EXOC4: variants seen among roughly 807,000 people sequenced by gnomAD.
The protein encoded by EXOC4 is exocyst complex component 4.
In EXOC4, 71 loss-of-function variants were observed where a neutral mutation model predicts 107.2. The observed-to-expected ratio is 0.66, with a 90% CI of 0.55 to 0.81. The LOEUF (loss-of-function observed/expected upper bound fraction) is 0.81, where lower values mean the gene tolerates loss of function less well. Ranked by LOEUF, EXOC4 falls within the 30% of genes least tolerant of loss-of-function variation. The pLI is 0.00. For synonymous variants in EXOC4, 456 were observed against 441.2 expected, an observed-to-expected ratio of 1.03 and a Z score of -0.42; for missense variants, 1,108 against 1,189.6, an observed-to-expected ratio of 0.93 and a Z score of 1.01.
At chr7:133,590,838 A>C (rs2150977673) in intron 9 of EXOC4, among the ~76,000 whole-genome samples, 1 of 152,282 alleles carries the variant, frequency 6.6e-6, no homozygotes, top group South Asian at 2.1e-4. Flanking sequence ...AGACCTTGGG[A>C]TACAGAGGGC....
intron 1 of EXOC4, among the ~76,000 whole-genome samples, chr7:133,269,494 A>G (rs1584764209): frequency 1.3e-5 from 2 of 152,334 alleles, no homozygotes; most frequent in South Asian, 4.1e-4. Context: ...GGTATGCAAA[A>G]TAACCACTGT....
chr7:133,818,346 C>T (rs1320555454), intron 11 of EXOC4, among the ~76,000 whole-genome samples: 1 of 152,130 alleles, frequency 6.6e-6, no homozygotes, highest in African/African-American at 2.4e-5. Context: ...GACTATTCAA[C>T]ATGTGGAAGG....
chr7:133,728,895 A>G (rs1205996685), intron 10 of EXOC4, among the ~76,000 whole-genome samples: 34 of 152,296 alleles, frequency 2.2e-4, no homozygotes, highest in East Asian at 3.9e-4. Context: ...CCATCTCTCA[A>G]TGAAATTAGC....
intron 14 of EXOC4, among the ~76,000 whole-genome samples, chr7:133,995,401 A>G (rs1481899669): frequency 6.6e-6 from 1 of 152,210 alleles, no homozygotes; most frequent in African/African-American, 2.4e-5. Context: ...TCTCCATGCT[A>G]CAGTCACTAT....
chr7:133,369,673 T>G (rs1796321135), intron 6 of EXOC4, among the ~76,000 whole-genome samples: 1 of 152,144 alleles, frequency 6.6e-6, no homozygotes, highest in South Asian at 2.1e-4. Context: ...ATTTATCACT[T>G]TTAAAATTTC....
chr7:133,430,731 A>T lies in EXOC4; in HGVS notation c.1183-44597A>T, dbSNP rs145191228. On this transcript the variant is annotated intron_variant, in intron 7 of 17. Transcript: ENST00000253861. ...TGTACCATTTTATATTCCACCACGC[A>T]TATTGGGCATATTATTTGAAATGTA... Among the ~76,000 whole-genome samples the T allele has an allele frequency of 6.2e-3, 942 of 152,294 alleles. 11 individuals are homozygous for T. Among genetic ancestry groups the T allele is most frequent in the Middle Eastern group, 0.024 (7 of 294 alleles).
intron 9 of EXOC4, among the ~76,000 whole-genome samples, chr7:133,606,523 T>TA (rs1563124685): frequency 4.2e-5 from 6 of 142,394 alleles, no homozygotes; most frequent in Admixed American, 6.8e-5. Context: ...TATTATTTTT[T>TA]TTTTTTTTTG....
At chr7:134,036,665 T>C (rs1436536612) in intron 17 of EXOC4, among the ~76,000 whole-genome samples, 2 of 152,240 alleles carry the variant, frequency 1.3e-5, no homozygotes, top group Admixed American at 1.3e-4. Context: ...ATATAATTCA[T>C]AGATTCTAGA....
intron 7 of EXOC4, among the ~76,000 whole-genome samples, chr7:133,445,658 C>T (rs1265410106): frequency 6.7e-6 from 1 of 148,876 alleles, no homozygotes; most frequent in Non-Finnish European, 1.5e-5. Flanking sequence ...AAATCAACCT[C>T]TCCTGGTAAT....
intron 10 of EXOC4, among the ~76,000 whole-genome samples, chr7:133,718,668 G>T (rs1051846702): frequency 6.6e-6 from 1 of 152,120 alleles, no homozygotes; most frequent in Non-Finnish European, 1.5e-5. Context: ...CCTTAGTATT[G>T]TAAAATATGA....
chr7:133,828,869 T>G (rs927276120), intron 11 of EXOC4, among the ~76,000 whole-genome samples: 2 of 152,230 alleles, frequency 1.3e-5, no homozygotes, highest in African/African-American at 4.8e-5. Context: ...TTCTCAGGAA[T>G]TTAGTAGGGA....
intron 10 of EXOC4, among the ~76,000 whole-genome samples, chr7:133,644,901 G>A (rs1194594274): frequency 6.6e-6 from 1 of 152,098 alleles, no homozygotes; most frequent in African/African-American, 2.4e-5. Flanking sequence ...TCATTTTTCT[G>A]TATTCTTCCT....
rs114825523 is a variant in EXOC4 at position 133,885,448 on chromosome 7, G to A, written c.1735-10151G>A. Among the ~76,000 whole-genome samples, 358 of 152,264 alleles carry A rather than the reference G, an allele frequency of 2.4e-3. 5 individuals are homozygous for A. Among genetic ancestry groups the A allele is most frequent in the African/African-American group, 8.0e-3 (334 of 41,540 alleles). ...CCTATTCTGAATGTGCTGTGCATGT[G>A]CATTAAATTAACAAATATTTATTGA... On this transcript the variant is annotated intron_variant, in intron 11 of 17. Coordinates refer to ENST00000253861, the MANE Select transcript of EXOC4 (RefSeq NM_021807.4).
intron 9 of EXOC4, among the ~76,000 whole-genome samples, chr7:133,602,955 A>G (rs1801842971): frequency 6.6e-6 from 1 of 152,074 alleles, no homozygotes; most frequent in Non-Finnish European, 1.5e-5. Flanking sequence ...TTTAAGATGT[A>G]TTGTGGAATT....
At chr7:133,580,866 C>T (rs1801250039) in intron 9 of EXOC4, among the ~76,000 whole-genome samples, 1 of 152,168 alleles carries the variant, frequency 6.6e-6, no homozygotes, top group Admixed American at 6.5e-5. Flanking sequence ...CCTTATAGCA[C>T]CAGCAGTGCC....
At chr7:133,326,996 A>G (rs1483575749) in intron 5 of EXOC4, among the ~76,000 whole-genome samples, 1 of 151,918 alleles carries the variant, frequency 6.6e-6, no homozygotes, top group Non-Finnish European at 1.5e-5. Flanking sequence ...TGGGCGTGGG[A>G]CTCTCCAAGC....
At chr7:133,509,064 G>A (rs978512588) in intron 9 of EXOC4, among the ~76,000 whole-genome samples, 1 of 151,916 alleles carries the variant, frequency 6.6e-6, no homozygotes, top group Non-Finnish European at 1.5e-5. Flanking sequence ...CCTTCTTATT[G>A]TATTTAAGGT....
intron 7 of EXOC4, among the ~76,000 whole-genome samples, chr7:133,437,965 C>G (rs967131057): frequency 6.6e-6 from 1 of 152,146 alleles, no homozygotes; most frequent in Non-Finnish European, 1.5e-5. Context: ...CTTTGTCCCG[C>G]TTTTTGGTAA....
chr7:134,027,044 G>A (rs1053647520), intron 17 of EXOC4, among the ~76,000 whole-genome samples: 1 of 152,038 alleles, frequency 6.6e-6, no homozygotes, highest in Admixed American at 6.6e-5. Flanking sequence ...GTGATTAAGG[G>A]GGGGGATTCA....
Sources: allele counts gnomAD v4.1 joint callset (sites outside exome capture counted in the v4.1 genomes callset), GRCh38; gene constraint gnomAD v4.1.1; transcripts MANE v1.5; gene names NCBI Gene and HGNC (gene_info 2026-07-23, HGNC 2026-07-21).